MAGI2: variants seen among roughly 807,000 people sequenced by gnomAD.
MAGI2 encodes membrane associated guanylate kinase, WW and PDZ domain containing 2, also known as membrane-associated guanylate kinase, WW and PDZ domain-containing protein 2.
MAGI2 carries 35 observed loss-of-function variants against 133.3 expected under a neutral mutation model. The observed-to-expected ratio is 0.26, with a 90% CI of 0.20 to 0.35. The LOEUF (loss-of-function observed/expected upper bound fraction) is 0.35, where lower values mean the gene tolerates loss of function less well. Ranked by LOEUF, MAGI2 falls within the 10% of genes least tolerant of loss-of-function variation. The pLI is 1.00. For missense variants in MAGI2, 1,636 were observed against 1,863.4 expected (o/e 0.88, Z 2.25); for synonymous variants, 729 against 710.6 (o/e 1.03, Z -0.41).
chr7:78,071,943 A>T (rs1190841378), intron 21 of MAGI2, among the ~76,000 whole-genome samples: 1 of 152,194 alleles, frequency 6.6e-6, no homozygotes, highest in East Asian at 1.9e-4. Context: ...ACTTCCATCA[A>T]CGTGGTCTCT....
At chr7:78,648,356 T>C (rs371659270) in intron 2 of MAGI2, among the ~76,000 whole-genome samples, 1 of 152,206 alleles carries the variant, frequency 6.6e-6, no homozygotes, top group Non-Finnish European at 1.5e-5. Context: ...GCTCAGTACG[T>C]TGCAGTAATA....
intron 7 of MAGI2, among the ~76,000 whole-genome samples, chr7:78,366,588 T>C (rs1286207058): frequency 6.6e-6 from 1 of 152,060 alleles, no homozygotes; most frequent in Non-Finnish European, 1.5e-5. Flanking sequence ...TGTAAATAAG[T>C]GTATTCCAAT....
intron 10 of MAGI2, among the ~76,000 whole-genome samples, chr7:78,222,044 T>C (rs1233553634): frequency 4.6e-5 from 7 of 152,010 alleles, no homozygotes; most frequent in Non-Finnish European, 8.8e-5. Flanking sequence ...AGCAAGATCT[T>C]GTCTCTTAAA....
At chr7:78,612,675 T>A (rs1011711668) in intron 3 of MAGI2, among the ~76,000 whole-genome samples, 6 of 151,926 alleles carry the variant, frequency 3.9e-5, no homozygotes, top group East Asian at 1.9e-4. Context: ...TTATTTTTTT[T>A]AATTTTTTTT....
At chr7:78,279,970 G>T (rs1795403697) in intron 9 of MAGI2, among the ~76,000 whole-genome samples, 1 of 152,102 alleles carries the variant, frequency 6.6e-6, no homozygotes, top group African/African-American at 2.4e-5. Context: ...TTATCCTTAA[G>T]CAAACTCAGC....
chr7:78,053,633 G>A (rs1308790378), intron 21 of MAGI2, among the ~76,000 whole-genome samples: 1 of 152,210 alleles, frequency 6.6e-6, no homozygotes, highest in Non-Finnish European at 1.5e-5. Flanking sequence ...GTCTCTGGCA[G>A]GACCAGATGG....
chr7:78,295,019 T>C (rs1797091364), intron 9 of MAGI2, among the ~76,000 whole-genome samples: 1 of 152,186 alleles, frequency 6.6e-6, no homozygotes, highest in African/African-American at 2.4e-5. Context: ...TTTATCTATG[T>C]TGAATATCAT....
intron 1 of MAGI2, among the ~76,000 whole-genome samples, chr7:79,122,767 C>A (rs1198524717): frequency 6.6e-6 from 1 of 151,972 alleles, no homozygotes; most frequent in Admixed American, 6.6e-5. Flanking sequence ...ACCTCAGCCA[C>A]TGCAACCTCC....
intron 2 of MAGI2, among the ~76,000 whole-genome samples, chr7:78,742,847 C>T (rs1822561846): frequency 1.3e-5 from 2 of 152,180 alleles, no homozygotes; most frequent in African/African-American, 4.8e-5. Context: ...GTAAGGGACC[C>T]TGACCCAGGA....
At chr7:78,556,109 A>T (rs1799799295) in intron 3 of MAGI2, among the ~76,000 whole-genome samples, 1 of 152,040 alleles carries the variant, frequency 6.6e-6, no homozygotes, top group South Asian at 2.1e-4. Flanking sequence ...TTTTTCCAAA[A>T]AGTATATATA....
At chr7:79,021,388 G>A (rs1159541089) in intron 1 of MAGI2, among the ~76,000 whole-genome samples, 1 of 152,230 alleles carries the variant, frequency 6.6e-6, no homozygotes, top group African/African-American at 2.4e-5. Flanking sequence ...TGTGAAAGCG[G>A]CTGGGAGGGG....
intron 9 of MAGI2, among the ~76,000 whole-genome samples, chr7:78,323,649 T>A (rs1333971370): frequency 6.6e-6 from 1 of 151,986 alleles, no homozygotes. Context: ...GTTTGTTTGT[T>A]CCCCCCGGCC....
At chr7:78,449,269 G>GT (rs1368181252) in intron 6 of MAGI2, among the ~76,000 whole-genome samples, 1 of 151,946 alleles carries the variant, frequency 6.6e-6, no homozygotes, top group African/African-American at 2.4e-5. Flanking sequence ...CAGAAGAGCC[G>GT]TATTTCTTGA....
At chr7:78,673,624 G>T (rs994414019) in intron 2 of MAGI2, among the ~76,000 whole-genome samples, 4 of 151,916 alleles carry the variant, frequency 2.6e-5, no homozygotes, top group Admixed American at 1.3e-4. Flanking sequence ...TCTCTTGCAG[G>T]AAGGTCAGAC....
At chr7:78,317,029 T>G (rs920409457) in intron 9 of MAGI2, among the ~76,000 whole-genome samples, 4 of 126,762 alleles carry the variant, frequency 3.2e-5, no homozygotes, top group African/African-American at 1.3e-4. Flanking sequence ...TATTTGCTTA[T>G]TTCCCAAATG....
rs147699762 is a variant in MAGI2 at position 79,360,839 on chromosome 7, A to C, written c.301+92181T>G. On this transcript the variant is annotated intron_variant, in intron 1 of 21. Transcript: ENST00000354212. ...AGAAGAAGCAAACAAAAACAAATAG[A>C]AAAGAAGAAATAAGGTGGTAGATTT... Among the ~76,000 whole-genome samples, 602 of 152,268 alleles carry C rather than the reference A, an allele frequency of 4.0e-3. 11 individuals are homozygous for C. The highest frequency in any genetic ancestry group is 1.1e-3 in the Non-Finnish European group (77 of 68,006).
intron 1 of MAGI2, among the ~76,000 whole-genome samples, chr7:79,447,292 A>C (rs1211824299): frequency 6.6e-6 from 1 of 152,284 alleles, no homozygotes; most frequent in South Asian, 2.1e-4. Context: ...TTTCTATATA[A>C]GATAATTTAC....
intron 2 of MAGI2, among the ~76,000 whole-genome samples, chr7:78,779,783 C>G (rs1426602189): frequency 6.6e-6 from 1 of 152,194 alleles, no homozygotes; most frequent in Non-Finnish European, 1.5e-5. Flanking sequence ...TTACCTCAAC[C>G]TGACTCTATG....
chr7:79,164,590 CCA>C (rs1824739504), intron 1 of MAGI2, among the ~76,000 whole-genome samples: 1 of 151,932 alleles, frequency 6.6e-6, no homozygotes, highest in Admixed American at 6.6e-5. Flanking sequence ...ACCTTGGTCT[CCA>C]CAGTCTTTTA....
Sources: gnomAD v4.1 joint callset for allele counts (sites outside exome capture counted in the v4.1 genomes callset) on GRCh38, gnomAD v4.1.1 for gene constraint, MANE v1.5 for transcripts, NCBI Gene and HGNC (gene_info 2026-07-23, HGNC 2026-07-21) for gene names.